MGAT4C: variants seen among roughly 807,000 people sequenced by gnomAD.
MGAT4C encodes the protein alpha-1,3-mannosyl-glycoprotein 4-beta-N-acetylglucosaminyltransferase C.
A neutral mutation model predicts 40.1 loss-of-function variants in MGAT4C; 19 were observed. The observed-to-expected ratio is 0.47, with a 90% CI of 0.33 to 0.70. The LOEUF (loss-of-function observed/expected upper bound fraction) is 0.70, where lower values mean the gene tolerates loss of function less well. Ranked by LOEUF, MGAT4C falls within the 30% of genes least tolerant of loss-of-function variation. MGAT4C has a pLI of 0.02. For missense variants in MGAT4C, 491 were observed against 563.2 expected, an observed-to-expected ratio of 0.87 and a Z score of 1.30; for synonymous variants, 181 against 187.1, an observed-to-expected ratio of 0.97 and a Z score of 0.27.
chr12:86,116,892 A>G (rs983540861), intron 1 of MGAT4C, among the ~76,000 whole-genome samples: 8 of 152,136 alleles, frequency 5.3e-5, no homozygotes, highest in African/African-American at 1.7e-4. Flanking sequence ...GAAGATCAAA[A>G]TTTTAATTTG....
At chr12:86,075,552 TG>T (rs1056953371) in intron 1 of MGAT4C, among the ~76,000 whole-genome samples, 3 of 152,196 alleles carry the variant, frequency 2.0e-5, no homozygotes, top group African/African-American at 7.2e-5. Flanking sequence ...GGACTCTGTG[TG>T]GGGGCTCTGA....
chr12:86,775,195 G>A lies in MGAT4C; in HGVS notation c.-261-47954C>T, dbSNP rs573902275. ...GTCTCCTGTGAATTAGCAAACTGGT[G>A]AGTCACTTCTCTGTGTCTTTAACTT... On this transcript the variant is annotated intron_variant, in intron 1 of 7. Coordinates refer to the MGAT4C transcript ENST00000548651. Among the ~76,000 whole-genome samples the A allele has an allele frequency of 2.0e-5, 3 of 152,172 alleles. No homozygotes were observed. In the South Asian group the frequency reaches 6.2e-4, roughly 32 times the overall value.
At chr12:86,351,159 G>A (rs1480993059) in intron 3 of MGAT4C, among the ~76,000 whole-genome samples, 1 of 151,848 alleles carries the variant, frequency 6.6e-6, no homozygotes, top group Non-Finnish European at 1.5e-5. Context: ...AAAAATGAAG[G>A]TTTCTCTAGA....
intron 1 of MGAT4C, among the ~76,000 whole-genome samples, chr12:86,816,256 TTTTTA>T (rs1410121048): frequency 2.0e-5 from 3 of 151,854 alleles, no homozygotes; most frequent in Non-Finnish European, 2.9e-5. Context: ...TATTTTTATG[TTTTTA>T]TTTTCTTTTT....
At chr12:86,440,018 G>T (rs1592850171) in intron 2 of MGAT4C, among the ~76,000 whole-genome samples, 1 of 151,842 alleles carries the variant, frequency 6.6e-6, no homozygotes, top group East Asian at 1.9e-4. Context: ...AGGGTCAGAT[G>T]GCTTCACAGC....
chr12:86,579,169 G>A (rs567178565), intron 2 of MGAT4C, among the ~76,000 whole-genome samples: 1 of 151,496 alleles, frequency 6.6e-6, no homozygotes, highest in Non-Finnish European at 1.5e-5. Context: ...TTATTGATAA[G>A]TAGGGACTCT....
intron 2 of MGAT4C, among the ~76,000 whole-genome samples, chr12:86,674,722 T>C (rs1964347771): frequency 6.6e-6 from 1 of 152,194 alleles, no homozygotes; most frequent in South Asian, 2.1e-4. Flanking sequence ...ATAATAATTT[T>C]AAAGCTAAAT....
chr12:86,693,131 G>T (rs1950198922), intron 2 of MGAT4C, among the ~76,000 whole-genome samples: 1 of 152,198 alleles, frequency 6.6e-6, no homozygotes, highest in Non-Finnish European at 1.5e-5. Context: ...TATCTGAAGG[G>T]ATTGATAGCT....
chr12:86,211,124 C>T (rs983469754), intron 1 of MGAT4C, among the ~76,000 whole-genome samples: 2 of 151,404 alleles, frequency 1.3e-5, no homozygotes, highest in Admixed American at 6.6e-5. Flanking sequence ...CTTCAAACTG[C>T]TTCTGTGGGT....
At chr12:86,040,028 C>G (rs1294497227) in intron 2 of MGAT4C, among the ~76,000 whole-genome samples, 1 of 152,158 alleles carries the variant, frequency 6.6e-6, no homozygotes, top group African/African-American at 2.4e-5. Context: ...ACTGCAGACC[C>G]TGTTTGCCTG....
At position 86,355,761 on chromosome 12, in the gene MGAT4C, T is replaced by A. The variant is rs180801458; in HGVS notation, c.-119-21634A>T. ...TGCTTTTAAATAAATAGTAAAAAAA[T>A]TTTTGAAACTAGATAAATATTAACT... On this transcript the variant is annotated intron_variant, in intron 3 of 7. Transcript: ENST00000548651. Among the ~76,000 whole-genome samples the A allele has an allele frequency of 6.6e-3, 1,007 of 152,102 alleles. 5 individuals are homozygous for A. Among genetic ancestry groups the A allele is most frequent in the Middle Eastern group, 0.014 (4 of 294 alleles).
At chr12:86,228,731 T>C (rs1391615179) in intron 1 of MGAT4C, among the ~76,000 whole-genome samples, 2 of 151,860 alleles carry the variant, frequency 1.3e-5, no homozygotes, top group Non-Finnish European at 3.0e-5. Context: ...AATTTAAAAC[T>C]AAAAGAAAAA....
chr12:86,294,148 T>A (rs915274964), intron 4 of MGAT4C, among the ~76,000 whole-genome samples: 1 of 151,696 alleles, frequency 6.6e-6, no homozygotes, highest in Non-Finnish European at 1.5e-5. Context: ...AAACCACCTA[T>A]GCAGTTCAAC....
intron 2 of MGAT4C, among the ~76,000 whole-genome samples, chr12:86,632,091 C>T (rs543827612): frequency 3.0e-4 from 45 of 152,048 alleles, no homozygotes; most frequent in African/African-American, 1.1e-3. Flanking sequence ...AAAAAGTGGG[C>T]AAAGGATATG....
intron 3 of MGAT4C, among the ~76,000 whole-genome samples, chr12:86,365,227 T>C (rs1955565658): frequency 6.6e-6 from 1 of 152,208 alleles, no homozygotes; most frequent in South Asian, 2.1e-4. Context: ...AAGAGAAATA[T>C]GGCTCTGTTC....
At chr12:86,814,380 A>G (rs1174415292) in intron 1 of MGAT4C, among the ~76,000 whole-genome samples, 1 of 60,854 alleles carries the variant, frequency 1.6e-5, no homozygotes, top group Admixed American at 1.7e-4. Flanking sequence ...GTATATATAC[A>G]TATACGTATA....
At chr12:86,809,474 A>G (rs1952428337) in intron 1 of MGAT4C, among the ~76,000 whole-genome samples, 2 of 152,016 alleles carry the variant, frequency 1.3e-5, no homozygotes, top group Non-Finnish European at 2.9e-5. Flanking sequence ...TTCCCAGAGT[A>G]TATCCACCAT....
intron 1 of MGAT4C, among the ~76,000 whole-genome samples, chr12:86,104,862 A>AT (rs11369515): frequency 0.73 from 110,427 of 151,054 alleles, 41,328 homozygotes; most frequent in East Asian, 0.97. Flanking sequence ...GGCAAACCTG[A>AT]TTTTTTTTTA....
At chr12:86,404,856 T>G (rs75391299) in intron 3 of MGAT4C, among the ~76,000 whole-genome samples, 1 of 152,146 alleles carries the variant, frequency 6.6e-6, no homozygotes, top group Non-Finnish European at 1.5e-5. Flanking sequence ...TAGTATCATA[T>G]GGGAACATCA....
Sources: gnomAD v4.1 joint callset for allele counts (sites outside exome capture counted in the v4.1 genomes callset) on GRCh38, gnomAD v4.1.1 for gene constraint, MANE v1.5 for transcripts, NCBI Gene and HGNC (gene_info 2026-07-23, HGNC 2026-07-21) for gene names.